The following DRC2 variants were observed in gnomAD, a reference collection of about 807,000 sequenced individuals.
The protein encoded by DRC2 is coiled-coil domain containing 65.
the DRC2 span, chr12:48,904,133 A>C: frequency 5.0e-6 from 3 of 604,874 alleles, no homozygotes; most frequent in East Asian, 3.1e-5. Context: ...CTAGGAGACT[A>C]GACGCGTCTT....
At chr12:48,906,397 G>A in the DRC2 span, among the ~76,000 whole-genome samples, 1 of 150,316 alleles carries the variant, frequency 6.7e-6, no homozygotes, top group Non-Finnish European at 1.5e-5. Flanking sequence ...TCCGCCTCCC[G>A]AGTTCAGCCT....
At chr12:48,914,609 C>T in the DRC2 span, 1 of 1,601,730 alleles carries the variant, frequency 6.2e-7, no homozygotes, top group Admixed American at 1.7e-5. Flanking sequence ...GAATTGAATC[C>T]AGGGGAGTGC....
the DRC2 span, chr12:48,904,830 C>T: frequency 1.2e-6 from 1 of 846,616 alleles, no homozygotes; most frequent in Non-Finnish European, 1.8e-6. Flanking sequence ...CCCTAAATGC[C>T]ATCAGGCCGT....
At chr12:48,916,822 TA>T in the DRC2 span, 1 of 669,544 alleles carries the variant, frequency 1.5e-6, no homozygotes. Context: ...TTTCTAGCCC[TA>T]AAAAGAGTAA....
the DRC2 span, among the ~76,000 whole-genome samples, chr12:48,911,778 G>A: frequency 6.6e-6 from 1 of 151,918 alleles, no homozygotes; most frequent in Non-Finnish European, 1.5e-5. Flanking sequence ...TTTCCTAATA[G>A]TATTATTCAT....
the DRC2 span, chr12:48,914,303 T>C: frequency 4.2e-6 from 5 of 1,186,526 alleles, no homozygotes; most frequent in East Asian, 7.1e-5. Context: ...AGTCAAAGAA[T>C]TGGCATTAGG....
chr12:48,920,539 TGA>T, the DRC2 span, among the ~76,000 whole-genome samples: 8 of 149,916 alleles, frequency 5.3e-5, no homozygotes, highest in Non-Finnish European at 1.2e-4. Context: ...TTTTTTTTTT[TGA>T]GACAGGGTCT....
At chr12:48,921,216 A>C in the DRC2 span, 1 of 1,614,216 alleles carries the variant, frequency 6.2e-7, no homozygotes, top group Non-Finnish European at 8.5e-7. Flanking sequence ...AAGGTACAAC[A>C]AAGTGAAACT....
chr12:48,913,133 CAAAAAAAAAAA>C, the DRC2 span, among the ~76,000 whole-genome samples: 1 of 69,814 alleles, frequency 1.4e-5, no homozygotes, highest in Non-Finnish European at 2.6e-5. Context: ...GACTCCGTCT[CAAAAAAAAAAA>C]AAAAAAAAAA....
chr12:48,910,650 G>A, the DRC2 span, among the ~76,000 whole-genome samples: 1 of 152,284 alleles, frequency 6.6e-6, no homozygotes, highest in Middle Eastern at 3.4e-3. Flanking sequence ...GGTACCCAGT[G>A]TTCCTTCCAA....
At chr12:48,915,709 T>G in the DRC2 span, among the ~76,000 whole-genome samples, 1 of 139,348 alleles carries the variant, frequency 7.2e-6, no homozygotes, top group African/African-American at 2.7e-5. Context: ...GGCTCCTCAC[T>G]TCCCAGTAGG....
At chr12:48,906,305 T>TTG in the DRC2 span, among the ~76,000 whole-genome samples, 146 of 150,324 alleles carry the variant, frequency 9.7e-4, no homozygotes, top group African/African-American at 3.4e-3. Context: ...CTTATGGATT[T>TTG]TTTTTTTTTT....
the DRC2 span, chr12:48,921,329 C>G: frequency 6.2e-7 from 1 of 1,614,154 alleles, no homozygotes; most frequent in Non-Finnish European, 8.5e-7. Flanking sequence ...CAGTGAGTGA[C>G]GAAGTGCTGA....
chr12:48,912,986 A>C, the DRC2 span, among the ~76,000 whole-genome samples: 1 of 151,794 alleles, frequency 6.6e-6, no homozygotes, highest in Non-Finnish European at 1.5e-5. Flanking sequence ...AAATGTAAAA[A>C]ATTAGCTGGT....
At chr12:48,904,186 C>T in the DRC2 span, 2 of 989,314 alleles carry the variant, frequency 2.0e-6, no homozygotes, top group Non-Finnish European at 3.0e-6. Context: ...GGGATCTCTC[C>T]TGTTCGAGGG....
At chr12:48,912,731 G>C in the DRC2 span, among the ~76,000 whole-genome samples, 1 of 152,156 alleles carries the variant, frequency 6.6e-6, no homozygotes, top group South Asian at 2.1e-4. Flanking sequence ...AGATATTGCT[G>C]TGATTTTCTT....
the DRC2 span, among the ~76,000 whole-genome samples, chr12:48,915,922 G>A: frequency 6.6e-6 from 1 of 150,582 alleles, no homozygotes; most frequent in African/African-American, 2.4e-5. Flanking sequence ...CTCCCAGACG[G>A]GGTGGCGGCC....
At chr12:48,916,819 C>A in the DRC2 span, 3 of 636,376 alleles carry the variant, frequency 4.7e-6, no homozygotes, top group Non-Finnish European at 7.8e-6. Flanking sequence ...TTCTTTCTAG[C>A]CCTAAAAAGA....
chr12:48,920,770 AGTGT>A, the DRC2 span, among the ~76,000 whole-genome samples: 1 of 152,062 alleles, frequency 6.6e-6, no homozygotes, highest in Admixed American at 6.6e-5. Context: ...TACTTGGAAT[AGTGT>A]GTGTTACATG....
Sources: gnomAD v4.1 joint callset for allele counts (sites outside exome capture counted in the v4.1 genomes callset) on GRCh38, gnomAD v4.1.1 for gene constraint, MANE v1.5 for transcripts, NCBI Gene and HGNC (gene_info 2026-07-23, HGNC 2026-07-21) for gene names.